DTD1: variants seen among roughly 807,000 people sequenced by gnomAD.
The protein encoded by DTD1 is D-tyrosyl-tRNA deacylase 1 homolog.
In DTD1, 13 loss-of-function variants were observed where a neutral mutation model predicts 25.6. That is an observed-to-expected ratio of 0.51 (90% confidence interval 0.33 to 0.81). The LOEUF (loss-of-function observed/expected upper bound fraction) is 0.81, where lower values mean the gene tolerates loss of function less well. DTD1 is among the 30% of genes least tolerant of loss of function. The pLI is 0.02. For missense variants in DTD1, 193 were observed against 266.4 expected (o/e 0.72, Z 1.92); for synonymous variants, 110 against 103.6 (o/e 1.06, Z -0.37).
chr20:18,671,428 C>T (rs1177597387), intron 4 of DTD1, among the ~76,000 whole-genome samples: 1 of 152,210 alleles, frequency 6.6e-6, no homozygotes, highest in African/African-American at 2.4e-5. Context: ...TCCATCAGCA[C>T]AGAACAGCTT....
chr20:18,688,564 A>G (rs1335463661), intron 4 of DTD1, among the ~76,000 whole-genome samples: 2 of 152,144 alleles, frequency 1.3e-5, no homozygotes, highest in African/African-American at 4.8e-5. Context: ...CGGCTTTCCT[A>G]CATAATGTCA....
At chr20:18,600,178 A>T (rs1349484369) in intron 3 of DTD1, among the ~76,000 whole-genome samples, 1 of 152,192 alleles carries the variant, frequency 6.6e-6, no homozygotes, top group African/African-American at 2.4e-5. Context: ...AAAAGTCATC[A>T]TCCTACCCAA....
At chr20:18,666,886 A>G (rs1232347328) in intron 4 of DTD1, among the ~76,000 whole-genome samples, 4 of 152,230 alleles carry the variant, frequency 2.6e-5, no homozygotes, top group Non-Finnish European at 4.4e-5. Flanking sequence ...CTATAAATGA[A>G]ACCCAGAGTT....
chr20:18,600,316 G>T (rs1170776731), intron 3 of DTD1, among the ~76,000 whole-genome samples: 1 of 151,230 alleles, frequency 6.6e-6, no homozygotes. Flanking sequence ...GCGCTTTTTT[G>T]TATGTGGATA....
At chr20:18,628,896 C>T (rs1233173982) in intron 4 of DTD1, among the ~76,000 whole-genome samples, 1 of 152,088 alleles carries the variant, frequency 6.6e-6, no homozygotes, top group East Asian at 1.9e-4. Context: ...CCCAGTCTCC[C>T]TCCCTTGCTA....
chr20:18,671,971 T>C (rs2122390821), intron 4 of DTD1, among the ~76,000 whole-genome samples: 1 of 152,214 alleles, frequency 6.6e-6, no homozygotes, highest in East Asian at 1.9e-4. Flanking sequence ...CAGTAGTTCA[T>C]ACCTGTAATC....
intron 4 of DTD1, among the ~76,000 whole-genome samples, chr20:18,700,128 C>A (rs894297858): frequency 6.6e-6 from 1 of 152,124 alleles, no homozygotes; most frequent in Admixed American, 6.6e-5. Flanking sequence ...TTTAGAATGT[C>A]CCTTAGTTTG....
At chr20:18,738,458 C>G in intron 4 of DTD1, among the ~76,000 whole-genome samples, 1 of 152,212 alleles carries the variant, frequency 6.6e-6, no homozygotes. Flanking sequence ...AAAGCTGGTT[C>G]AGCTGGCTCA....
chr20:18,759,463 G>T (rs1238826416), intron 5 of DTD1, among the ~76,000 whole-genome samples: 1 of 152,316 alleles, frequency 6.6e-6, no homozygotes, highest in Middle Eastern at 3.4e-3. Context: ...TTGCTTGTCT[G>T]TAAAGTATTT....
chr20:18,668,529 C>T (rs548883084), intron 4 of DTD1, among the ~76,000 whole-genome samples: 38 of 152,228 alleles, frequency 2.5e-4, no homozygotes, highest in Non-Finnish European at 1.8e-4. Context: ...CATTTGAAGA[C>T]CTCTGTTGTC....
intron 5 of DTD1, among the ~76,000 whole-genome samples, chr20:18,752,728 C>T (rs1202920207): frequency 2.0e-5 from 3 of 152,150 alleles, no homozygotes; most frequent in Non-Finnish European, 4.4e-5. Context: ...GAATCTGTAA[C>T]TGTATGGCTT....
intron 3 of DTD1, among the ~76,000 whole-genome samples, chr20:18,613,016 T>A (rs1219768949): frequency 6.6e-6 from 1 of 152,168 alleles, no homozygotes; most frequent in African/African-American, 2.4e-5. Context: ...GCCTTCTCCG[T>A]CATGATCAAG....
chr20:18,649,511 G>T (rs2060865381), intron 4 of DTD1, among the ~76,000 whole-genome samples: 2 of 151,506 alleles, frequency 1.3e-5, no homozygotes, highest in African/African-American at 4.8e-5. Flanking sequence ...GCTAAGTTTT[G>T]TATTTTTAGT....
At chr20:18,745,589 C>A (rs1416110785) in intron 5 of DTD1, among the ~76,000 whole-genome samples, 2 of 152,092 alleles carry the variant, frequency 1.3e-5, no homozygotes, top group African/African-American at 4.8e-5. Flanking sequence ...AGATGAGGGG[C>A]AAGGGCAGGG....
chr20:18,631,267 C>T, intron 4 of DTD1: 1 of 984,766 alleles, frequency 1.0e-6, no homozygotes, highest in Non-Finnish European at 1.2e-6. Flanking sequence ...AAATGTGGGG[C>T]CCCTTGTTCA....
intron 5 of DTD1, among the ~76,000 whole-genome samples, chr20:18,755,957 A>G (rs1207711248): frequency 6.6e-6 from 1 of 152,112 alleles, no homozygotes; most frequent in East Asian, 1.9e-4. Flanking sequence ...TTGAATGATC[A>G]CCATTCTAAC....
At chr20:18,649,377 C>T (rs79731023) in intron 4 of DTD1, among the ~76,000 whole-genome samples, 9 of 102,650 alleles carry the variant, frequency 8.8e-5, no homozygotes, top group African/African-American at 1.5e-4. Flanking sequence ...CTTGCTCTGT[C>T]GCCCAGGATG....
chr20:18,692,982 C>A (rs1250984514), intron 4 of DTD1, among the ~76,000 whole-genome samples: 1 of 151,042 alleles, frequency 6.6e-6, no homozygotes, highest in African/African-American at 2.4e-5. Flanking sequence ...ACTCCACCTC[C>A]TGGGTTCAAG....
intron 4 of DTD1, among the ~76,000 whole-genome samples, chr20:18,646,454 T>A (rs1281451123): frequency 2.6e-5 from 4 of 152,114 alleles, no homozygotes; most frequent in Non-Finnish European, 5.9e-5. Context: ...CTGAGTGTAG[T>A]TTTGTCCTTT....
Sources: allele counts gnomAD v4.1 joint callset (sites outside exome capture counted in the v4.1 genomes callset), GRCh38; gene constraint gnomAD v4.1.1; transcripts MANE v1.5; gene names NCBI Gene and HGNC (gene_info 2026-07-23, HGNC 2026-07-21).